PPFIBP2: variants seen among roughly 807,000 people sequenced by gnomAD.
PPFIBP2 encodes the protein liprin-beta-2.
In PPFIBP2, 118 loss-of-function variants were observed where a neutral mutation model predicts 118.3. The observed-to-expected ratio is 1.00, with a 90% confidence interval of 0.86 to 1.16. PPFIBP2 has a LOEUF of 1.16. PPFIBP2 is among the 50% of genes most tolerant of loss of function. The pLI, the probability that PPFIBP2 is intolerant of heterozygous loss-of-function variation, is 0.00. For missense variants in PPFIBP2, 1,195 were observed against 1,073.1 expected (o/e 1.11, Z -1.59); for synonymous variants, 414 against 397.4 (o/e 1.04, Z -0.50).
chr11:7,516,235 C>T (rs965899628), intron 1 of PPFIBP2, among the ~76,000 whole-genome samples: 6 of 152,040 alleles, frequency 3.9e-5, no homozygotes, highest in Non-Finnish European at 8.8e-5. Flanking sequence ...GTGGGGGCGG[C>T]GAGGCCGGAT....
At chr11:7,520,500 C>T (rs1202325000) in intron 1 of PPFIBP2, among the ~76,000 whole-genome samples, 1 of 151,504 alleles carries the variant, frequency 6.6e-6, no homozygotes, top group Non-Finnish European at 1.5e-5. Flanking sequence ...TTTACTTGGC[C>T]ATAAGATTTT....
chr11:7,514,925 T>G (rs1214679844), intron 1 of PPFIBP2, among the ~76,000 whole-genome samples: 3 of 152,232 alleles, frequency 2.0e-5, no homozygotes, highest in African/African-American at 7.2e-5. Flanking sequence ...TATATTTTGG[T>G]CTACTTCCTG....
intron 13 of PPFIBP2, 96 bp from the exon 14 acceptor site, chr11:7,635,456 G>A (rs753573753): frequency 1.6e-6 from 2 of 1,252,200 alleles, no homozygotes; most frequent in Non-Finnish European, 2.3e-6. Context: ...GCGCCTTTCA[G>A]ATTTAAGCAA....
chr11:7,625,889 G>A lies in PPFIBP2; in HGVS notation c.824G>A (p.Arg275Lys). ...AALHSESHTE[R>K]DQEIQRLKMG... ...CTCCACAGTGAGAGTCACACAGAGA[G>A]AGGTGACTAGCTTGACTCTGACAAA... is the stretch of plus-strand genomic sequence containing the variant. Residue 275 changes from arginine to lysine, a missense_variant and splice_region_variant, in exon 8 of 24, where the codon AGA becomes AAA. Transcript: ENST00000299492. 1 of 1,613,296 alleles carries A rather than the reference G, an allele frequency of 6.2e-7. No individual in the cohort carries two copies. The highest frequency in any genetic ancestry group is 2.2e-5 in the East Asian group (1 of 44,878).
chr11:7,537,967 A>G (rs1851378602), intron 1 of PPFIBP2, among the ~76,000 whole-genome samples: 1 of 152,160 alleles, frequency 6.6e-6, no homozygotes, highest in Non-Finnish European at 1.5e-5. Flanking sequence ...TGAGTTGGGA[A>G]AAGGATCAGC....
chr11:7,549,686 T>C, intron 2 of PPFIBP2, 147 bp downstream of exon 2: 1 of 864,074 alleles, frequency 1.2e-6, no homozygotes, highest in South Asian at 2.0e-5. Context: ...GTGTATGTAA[T>C]CTCTTTTTTT....
intron 11 of PPFIBP2, chr11:7,631,261 G>A (rs949224595): frequency 2.2e-6 from 1 of 463,150 alleles, no homozygotes; most frequent in African/African-American, 1.9e-5. Context: ...AAGGATAGGA[G>A]TTCTCCTTTT....
chr11:7,627,197 C>T (rs59613028), intron 8 of PPFIBP2, among the ~76,000 whole-genome samples: 11,123 of 152,184 alleles, frequency 0.073, 437 homozygotes, highest in Middle Eastern at 0.1. Flanking sequence ...CATTTGCTGC[C>T]GAAGGTAGGT....
In PPFIBP2 at chr11:7,629,352, C is replaced by CG. The variant is rs929633258; in HGVS notation, c.889-106dup. The CG allele has an allele frequency of 3.7e-6, 4 of 1,075,608 alleles. No homozygotes were observed. The African/African-American group carries it at 6.2e-5, about 17-fold the overall frequency. 66.6% of individuals were successfully genotyped at this position (1,075,608 alleles called of 1,614,324 possible). A position where few individuals can be genotyped will look rare whatever the true frequency, so the allele number is the denominator to read the frequency against. On this transcript the variant is annotated intron_variant, in intron 9 of 23. Transcript: ENST00000299492. ...TGGACACTCTTTTCCTTTGGTTCCA[C>CG]GTGGGATTTCTTCTCCTTGTGCCAA...
intron 4 of PPFIBP2, among the ~76,000 whole-genome samples, chr11:7,595,165 G>T (rs1253727541): frequency 6.6e-6 from 1 of 152,154 alleles, no homozygotes; most frequent in Admixed American, 6.5e-5. Context: ...TGCTTGGGGT[G>T]TGGGAAGAAC....
Position 7,641,510 on chromosome 11 carries a change from T to G in PPFIBP2, c.1407T>G (p.Ala469=). The G allele has an allele frequency of 1.2e-6, 2 of 1,613,872 alleles. No individual in the cohort carries two copies. The highest frequency in any genetic ancestry group is 2.2e-5 in the South Asian group (2 of 91,072). ...CAGAAAGTGGCTGGGACGACACTGC[T>G]GTGGTCAATGACCTCTCATCCACAT... is the stretch of plus-strand genomic sequence containing the variant. The part of the protein sequence containing the change: ...RDTESGWDDT[A]VVNDLSSTSS... Residue 469 remains alanine (A), a synonymous_variant, in exon 16 of 24, where the codon GCT becomes GCG. Transcript: ENST00000299492.
chr11:7,575,991 C>G (rs909848777), intron 3 of PPFIBP2, among the ~76,000 whole-genome samples: 10 of 152,234 alleles, frequency 6.6e-5, no homozygotes, highest in Non-Finnish European at 2.9e-5. Context: ...AGCTCTCCTC[C>G]TTGCCGCCTC....
At chr11:7,591,561 A>C (rs1000498463) in intron 3 of PPFIBP2, among the ~76,000 whole-genome samples, 2 of 152,076 alleles carry the variant, frequency 1.3e-5, no homozygotes, top group South Asian at 4.1e-4. Context: ...CGGAATATTA[A>C]TTTAACAACA....
the PPFIBP2 span, among the ~76,000 whole-genome samples, chr11:7,663,888 T>G: frequency 2.6e-5 from 4 of 152,280 alleles, no homozygotes; most frequent in East Asian, 1.9e-4. Flanking sequence ...AGCGCAGTAT[T>G]CTGGTGGGAG....
chr11:7,516,435 A>G (rs559197912), intron 1 of PPFIBP2, among the ~76,000 whole-genome samples: 16 of 152,274 alleles, frequency 1.1e-4, no homozygotes, highest in Non-Finnish European at 2.4e-4. Context: ...AATGCTGGGA[A>G]GATTCAGCTT....
At chr11:7,630,439 G>A (rs1397496584) in intron 10 of PPFIBP2, among the ~76,000 whole-genome samples, 1 of 152,220 alleles carries the variant, frequency 6.6e-6, no homozygotes, top group African/African-American at 2.4e-5. Flanking sequence ...AGCCTCCTGA[G>A]TAGCCGGGAT....
intron 5 of PPFIBP2, among the ~76,000 whole-genome samples, chr11:7,607,217 T>TC (rs1847490071): frequency 6.7e-6 from 1 of 149,428 alleles, no homozygotes; most frequent in African/African-American, 2.5e-5. Context: ...GCCTTTTTTT[T>TC]TTTTTTTTTT....
chr11:7,638,879 T>C (rs1565103968), intron 14 of PPFIBP2, among the ~76,000 whole-genome samples: 1 of 152,224 alleles, frequency 6.6e-6, no homozygotes. Context: ...GGTCCAAGCA[T>C]GGAGCTGGCT....
At chr11:7,567,290 A>G (rs1477276046) in intron 3 of PPFIBP2, among the ~76,000 whole-genome samples, 1 of 152,288 alleles carries the variant, frequency 6.6e-6, no homozygotes, top group African/African-American at 2.4e-5. Flanking sequence ...CAATGAATCT[A>G]ACTTTTAAAA....
Sources: allele counts gnomAD v4.1 joint callset (sites outside exome capture counted in the v4.1 genomes callset), GRCh38; gene constraint gnomAD v4.1.1; transcripts MANE v1.5; gene names NCBI Gene and HGNC (gene_info 2026-07-23, HGNC 2026-07-21).